Variants in THRB observed in about 807,000 individuals in gnomAD.
THRB encodes the protein nuclear receptor subfamily 1 group A member 2.
THRB carries 12 observed loss-of-function variants against 47.8 expected under a neutral mutation model. That is an observed-to-expected ratio of 0.25 (90% CI 0.16 to 0.41). THRB has a LOEUF of 0.41. Ranked by LOEUF, THRB falls within the 10% of genes least tolerant of loss-of-function variation. The pLI is 1.00. For synonymous variants in THRB, 218 were observed against 212.2 expected, an observed-to-expected ratio of 1.03 and a Z score of -0.24; for missense variants, 348 against 589.2, an observed-to-expected ratio of 0.59 and a Z score of 4.24.
chr3:24,323,390 T>G (rs140389926), intron 2 of THRB, among the ~76,000 whole-genome samples: 3 of 152,172 alleles, frequency 2.0e-5, no homozygotes, highest in Non-Finnish European at 4.4e-5. Flanking sequence ...ATACAATACA[T>G]CTAGCTATGT....
rs142642471 is a variant in THRB at position 24,339,365 on chromosome 3, G to C, written c.-260-1994C>G. ...GTAATCCTCACAATGACCGTATGAG[G>C]TAAGTATTATAAATGACCCCGTTTT... On this transcript the variant is annotated intron_variant, in intron 1 of 10. Transcript: ENST00000646209. Among the ~76,000 whole-genome samples the C allele has an allele frequency of 3.7e-3, 562 of 152,188 alleles. 1 individual carries two copies. The highest frequency in any genetic ancestry group is 6.8e-3 in the Non-Finnish European group (465 of 68,002).
At chr3:24,331,381 T>C (rs923235185) in intron 2 of THRB, among the ~76,000 whole-genome samples, 1 of 152,194 alleles carries the variant, frequency 6.6e-6, no homozygotes, top group Non-Finnish European at 1.5e-5. Flanking sequence ...CTGACTTTCC[T>C]ACTTTCTCCA....
chr3:24,120,015 G>C lies in THRB; in HGVS notation c.*2869C>G, dbSNP rs1231559224. 1.3e-5 allele frequency: 2 copies of C among 152,166 alleles called. No individual in the cohort carries two copies. Among genetic ancestry groups the C allele is most frequent in the African/African-American group, 2.4e-5 (1 of 41,486 alleles). 9.4% of individuals were successfully genotyped at this position (152,166 alleles called of 1,614,324 possible). A position where few individuals can be genotyped will look rare whatever the true frequency, so the allele number is the denominator to read the frequency against. On this transcript the variant is annotated 3_prime_UTR_variant, in exon 11 of 11. Transcript: ENST00000646209. Reference sequence around the variant, plus strand: ...AGGGGGTGGGAGCGCAGGTGTGAAGGGTATCTCCATCAGGTCCACACTGGA... The same window carrying C: ...AGGGGGTGGGAGCGCAGGTGTGAAGCGTATCTCCATCAGGTCCACACTGGA...
At chr3:24,430,472 A>G (rs2070268867) in intron 1 of THRB, among the ~76,000 whole-genome samples, 1 of 152,084 alleles carries the variant, frequency 6.6e-6, no homozygotes, top group African/African-American at 2.4e-5. Flanking sequence ...ACAAGAATCC[A>G]TTCCAGATGA....
At chr3:24,393,157 G>A (rs1015314186) in intron 1 of THRB, among the ~76,000 whole-genome samples, 1 of 152,092 alleles carries the variant, frequency 6.6e-6, no homozygotes, top group African/African-American at 2.4e-5. Flanking sequence ...TCCTTGGAAG[G>A]AAGTCCTTCC....
chr3:24,225,638 T>C (rs1274003008), intron 4 of THRB, among the ~76,000 whole-genome samples: 1 of 152,232 alleles, frequency 6.6e-6, no homozygotes. Context: ...CCTCTAACTT[T>C]GGTATTTAAC....
At chr3:24,332,404 T>G (rs1005485843) in intron 2 of THRB, among the ~76,000 whole-genome samples, 5 of 152,220 alleles carry the variant, frequency 3.3e-5, no homozygotes, top group African/African-American at 1.2e-4. Context: ...GTCACTGTTT[T>G]TAATGGTTTT....
At chr3:24,270,549 G>A (rs1198421913) in intron 3 of THRB, among the ~76,000 whole-genome samples, 1 of 152,188 alleles carries the variant, frequency 6.6e-6, no homozygotes, top group Non-Finnish European at 1.5e-5. Context: ...AATTAGATAC[G>A]TCCCAGCCCT....
At chr3:24,131,212 G>A (rs1252151269) in intron 9 of THRB, among the ~76,000 whole-genome samples, 1 of 152,154 alleles carries the variant, frequency 6.6e-6, no homozygotes, top group East Asian at 1.9e-4. Flanking sequence ...GTATATGTGT[G>A]TGTGCACACA....
intron 3 of THRB, among the ~76,000 whole-genome samples, chr3:24,247,186 A>T (rs1319429780): frequency 6.6e-6 from 1 of 152,228 alleles, no homozygotes; most frequent in African/African-American, 2.4e-5. Context: ...AGAAAATAAC[A>T]ATACTTCTTT....
intron 5 of THRB, among the ~76,000 whole-genome samples, chr3:24,166,801 A>C (rs2039702027): frequency 6.6e-6 from 1 of 152,164 alleles, no homozygotes; most frequent in South Asian, 2.1e-4. Flanking sequence ...AAGGACCATC[A>C]ACAATGTAAT....
chr3:24,291,692 G>T (rs2055933129), intron 3 of THRB, among the ~76,000 whole-genome samples: 1 of 152,082 alleles, frequency 6.6e-6, no homozygotes, highest in African/African-American at 2.4e-5. Flanking sequence ...ATCCATAGTT[G>T]GTTGAATCCA....
chr3:24,315,772 A>G (rs2149246812), intron 2 of THRB, among the ~76,000 whole-genome samples: 1 of 152,316 alleles, frequency 6.6e-6, no homozygotes, highest in Non-Finnish European at 1.5e-5. Context: ...CACCAGCCTG[A>G]TAATAATAAT....
chr3:24,171,940 C>T (rs1426337419), intron 5 of THRB, among the ~76,000 whole-genome samples: 2 of 151,980 alleles, frequency 1.3e-5, no homozygotes, highest in Non-Finnish European at 2.9e-5. Context: ...CTAAGTGGTC[C>T]CATAATACAG....
chr3:24,290,998 C>A (rs753431523), intron 3 of THRB, among the ~76,000 whole-genome samples: 1 of 152,176 alleles, frequency 6.6e-6, no homozygotes, highest in Non-Finnish European at 1.5e-5. Context: ...TTTGGGACTA[C>A]AGAGGACTGT....
chr3:24,188,471 T>C (rs1015097016), intron 5 of THRB, among the ~76,000 whole-genome samples: 1 of 152,208 alleles, frequency 6.6e-6, no homozygotes, highest in African/African-American at 2.4e-5. Flanking sequence ...GACTGTTTCC[T>C]TTTGCTTTTA....
chr3:24,313,245 C>G (rs374929499), intron 2 of THRB, among the ~76,000 whole-genome samples: 1 of 152,124 alleles, frequency 6.6e-6, no homozygotes, highest in Non-Finnish European at 1.5e-5. Context: ...CTCAACCACT[C>G]GGGAAATCAT....
At chr3:24,323,760 G>A (rs951401) in intron 2 of THRB, among the ~76,000 whole-genome samples, 40,386 of 152,038 alleles carry the variant, frequency 0.27, 5,948 homozygotes, top group Admixed American at 0.37. Flanking sequence ...CTAAATAGGA[G>A]GATTTAGAAA....
At chr3:24,192,603 G>T (rs2043481936) in intron 4 of THRB, among the ~76,000 whole-genome samples, 1 of 152,106 alleles carries the variant, frequency 6.6e-6, no homozygotes, top group South Asian at 2.1e-4. Context: ...ACAATGCTTG[G>T]CTGAGAGATG....
Sources: allele counts gnomAD v4.1 joint callset (sites outside exome capture counted in the v4.1 genomes callset), GRCh38; gene constraint gnomAD v4.1.1; transcripts MANE v1.5; gene names NCBI Gene and HGNC (gene_info 2026-07-23, HGNC 2026-07-21).